Variants in GON4L observed in about 807,000 individuals in gnomAD.
The protein encoded by GON4L is GON-4-like protein.
A neutral mutation model predicts 211.8 loss-of-function variants in GON4L; 87 were observed. The ratio of observed to expected loss-of-function variants is 0.41; its 90% CI spans 0.35 to 0.49. The LOEUF (loss-of-function observed/expected upper bound fraction) is 0.49. GON4L is among the 20% of genes least tolerant of loss of function. The pLI is 0.15. For missense variants in GON4L, 2,155 were observed against 2,659.5 expected (o/e 0.81, Z 4.17); for synonymous variants, 875 against 962.6 (o/e 0.91, Z 1.68).
At chr1:155,826,175 C>A (rs1455414704) in intron 3 of GON4L, among the ~76,000 whole-genome samples, 2 of 151,948 alleles carry the variant, frequency 1.3e-5, no homozygotes, top group Admixed American at 6.6e-5. Context: ...GGCACCACTA[C>A]ACTCCAGTCT....
chr1:155,846,935 G>A (rs993092621), intron 2 of GON4L, among the ~76,000 whole-genome samples: 4 of 152,046 alleles, frequency 2.6e-5, no homozygotes, highest in African/African-American at 7.2e-5. Flanking sequence ...CGCTTCAACC[G>A]AGCAGGGGCC....
chr1:155,791,829 T>C (rs1400146283), intron 12 of GON4L, among the ~76,000 whole-genome samples: 2 of 151,298 alleles, frequency 1.3e-5, no homozygotes, highest in Non-Finnish European at 2.9e-5. Context: ...GATTGCACCA[T>C]TGCACTCCAG....
chr1:155,755,832 C>A (rs189895410), intron 27 of GON4L, among the ~76,000 whole-genome samples: 61 of 152,098 alleles, frequency 4.0e-4, no homozygotes, highest in Non-Finnish European at 1.5e-4. Flanking sequence ...AAACCCAAGA[C>A]GTAAGTAAGT....
chr1:155,820,725 T>A lies in GON4L; in HGVS notation c.964-69A>T. 3.4e-6 allele frequency: 4 copies of A among 1,172,260 alleles called. No homozygotes were observed. In the Admixed American group the frequency reaches 5.1e-5, roughly 15 times the overall value. The allele number at this position is 1,172,260 out of a possible 1,614,324, so 72.6% of individuals were successfully genotyped here. A position where few individuals can be genotyped will look rare whatever the true frequency, so the allele number is the denominator to read the frequency against. ...AGCTCAGTGAGGTGGCTCATGCCTA[T>A]AATCCTAGCACTTTAGGGGCCAAGG... is the stretch of plus-strand genomic sequence containing the variant. On this transcript the variant is annotated intron_variant, in intron 5 of 31. Transcript: ENST00000368331.
intron 11 of GON4L, among the ~76,000 whole-genome samples, chr1:155,796,033 G>A (rs182287350): frequency 3.0e-4 from 46 of 151,914 alleles, no homozygotes; most frequent in East Asian, 2.7e-3. Flanking sequence ...AAATACTTCC[G>A]GTCCTGAGCA....
chr1:155,784,476 C>T (rs949778565), intron 13 of GON4L: 2 of 216,208 alleles, frequency 9.3e-6, no homozygotes, highest in Admixed American at 5.7e-5. Context: ...ACCTCCGCCT[C>T]CCAGGTTCAA....
At chr1:155,842,339 A>T (rs756045847) in intron 2 of GON4L, among the ~76,000 whole-genome samples, 9 of 151,868 alleles carry the variant, frequency 5.9e-5, no homozygotes, top group Non-Finnish European at 1.3e-4. Context: ...ACTGGCTAAC[A>T]TGGTGAAACC....
intron 2 of GON4L, among the ~76,000 whole-genome samples, chr1:155,831,923 A>G (rs1362945600): frequency 2.6e-5 from 4 of 152,058 alleles, no homozygotes; most frequent in Non-Finnish European, 5.9e-5. Context: ...AAACACTAAT[A>G]CCTGCAGTCA....
At chr1:155,821,332 CAAGT>C in intron 5 of GON4L, 138 bp downstream of exon 5, 1 of 394,046 alleles carries the variant, frequency 2.5e-6, no homozygotes, top group South Asian at 4.6e-5. Flanking sequence ...TAAAAATTAC[CAAGT>C]AATTCTTATG....
At position 155,765,521 on chromosome 1, in the gene GON4L, G is replaced by C. The variant is rs748492451; in HGVS notation, c.3952C>G (p.Pro1318Ala). Residue 1318 changes from proline to alanine, a missense_variant, in exon 21 of 32, where the codon CCT becomes GCT. Physicochemically the swap from Pro to Ala is conservative, Grantham distance 27 (BLOSUM62 -1). Around this residue, in one of 6 missense-constraint regions of GON4L, gnomAD observed 615 missense variants for 625.7 expected, o/e 0.98. Coordinates refer to ENST00000368331, the MANE Select transcript of GON4L (RefSeq NM_001282860.2). ...GIQESLNNPT[P>A]GDLEEIVKME... ...TTGACAATTTCCTCTAAATCCCCAG[G>C]GGTAGGGTTGTTTAGAGACTCCTGG... 4.3e-6 allele frequency: 7 copies of C among 1,614,126 alleles called. No homozygotes were observed. The East Asian group carries it at 1.6e-4, about 36-fold the overall frequency.
rs540341430 is a variant in GON4L, at chr1:155,784,050, C to G, written c.1828G>C (p.Gly610Arg). The G allele has an allele frequency of 6.2e-7, 1 of 1,614,088 alleles. No individual in the cohort carries two copies. The highest frequency in any genetic ancestry group is 1.1e-5 in the South Asian group (1 of 91,082). Residue 610 changes from glycine (G) to arginine (R), a missense_variant, in exon 14 of 32, where the codon GGC (glycine) becomes CGC (arginine). This residue lies in a region of GON4L where 551 missense variants were observed against 854.0 expected (regional missense o/e 0.65). Transcript: ENST00000368331. ...EMGFSNMEDD[G>R]PEEEECVAEP... ...GCTACACACTCCTCCTCTTCTGGGC[C>G]ATCATCTTCCATGTTGGAGAATCCC...
intron 31 of GON4L, among the ~76,000 whole-genome samples, chr1:155,750,988 T>G (rs923823881): frequency 1.3e-5 from 2 of 152,112 alleles, no homozygotes; most frequent in Non-Finnish European, 2.9e-5. Flanking sequence ...GGTCTCAAAT[T>G]CCTGACCTCA....
chr1:155,774,966 A>G (rs779382422), intron 17 of GON4L, 36 bp downstream of exon 17: 2 of 1,604,270 alleles, frequency 1.2e-6, no homozygotes, highest in African/African-American at 1.3e-5. Context: ...CTCTCACCGC[A>G]AGTAAAAACT....
chr1:155,764,420 TTTAC>T (rs1234387440), intron 21 of GON4L: 3 of 159,554 alleles, frequency 1.9e-5, no homozygotes, highest in African/African-American at 8.3e-5. Context: ...TGCCCAGTTA[TTTAC>T]TATTTTTTTT....
At chr1:155,806,240 T>C (rs992728866) in intron 10 of GON4L, among the ~76,000 whole-genome samples, 6 of 148,522 alleles carry the variant, frequency 4.0e-5, no homozygotes, top group Non-Finnish European at 6.0e-5. Flanking sequence ...GCAACCTCCA[T>C]CTCCCGGGTT....
intron 8 of GON4L, among the ~76,000 whole-genome samples, chr1:155,815,584 C>CA (rs1668166370): frequency 6.6e-6 from 1 of 151,928 alleles, no homozygotes; most frequent in Admixed American, 6.6e-5. Flanking sequence ...TTATAATAAC[C>CA]AAAGCTATAC....
chr1:155,798,385 T>C (rs1373443784), intron 11 of GON4L, among the ~76,000 whole-genome samples: 1 of 149,734 alleles, frequency 6.7e-6, no homozygotes, highest in Non-Finnish European at 1.5e-5. Context: ...GTACTTTCTA[T>C]ATAAGTCTCT....
intron 2 of GON4L, chr1:155,846,153 C>G (rs1043184284): frequency 1.7e-5 from 4 of 231,532 alleles, no homozygotes; most frequent in African/African-American, 9.2e-5. Flanking sequence ...TACTTGGCCT[C>G]GCTGATCCAT....
intron 2 of GON4L, among the ~76,000 whole-genome samples, chr1:155,834,976 G>A (rs1470882534): frequency 6.6e-6 from 1 of 152,102 alleles, no homozygotes; most frequent in South Asian, 2.1e-4. Context: ...TCTGGGAGGT[G>A]TACCCAACAG....
Sources: allele counts gnomAD v4.1 joint callset (sites outside exome capture counted in the v4.1 genomes callset), GRCh38; gene constraint gnomAD v4.1.1; regional missense constraint gnomAD v4.1.1; transcripts MANE v1.5; gene names NCBI Gene and HGNC (gene_info 2026-07-23, HGNC 2026-07-21).